The following RGS12 variants were observed in gnomAD, a reference collection of about 807,000 sequenced individuals.
RGS12 encodes regulator of G-protein signaling 12.
In RGS12, 66 loss-of-function variants were observed where a neutral mutation model predicts 120.1. The observed-to-expected ratio is 0.55, with a 90% CI of 0.45 to 0.67. The LOEUF is 0.67. RGS12 is among the 30% of genes least tolerant of loss of function. The pLI is 0.00. For synonymous variants in RGS12, 827 were observed against 804.7 expected, an observed-to-expected ratio of 1.03 and a Z score of -0.47; for missense variants, 1,859 against 1,957.7, an observed-to-expected ratio of 0.95 and a Z score of 0.95.
At chr4:3,304,669 T>C (rs940467658) in intron 1 of RGS12, among the ~76,000 whole-genome samples, 1 of 152,256 alleles carries the variant, frequency 6.6e-6, no homozygotes, top group Admixed American at 6.5e-5. Flanking sequence ...GTAGAGTTTG[T>C]CTCTGGTGTA....
chr4:3,405,805 A>C (rs1273007295), intron 4 of RGS12, among the ~76,000 whole-genome samples: 1 of 152,204 alleles, frequency 6.6e-6, no homozygotes, highest in Admixed American at 6.5e-5. Context: ...ATGATACAGC[A>C]AGCAGGAAGA....
At chr4:3,414,264 G>A (rs758558884) in intron 5 of RGS12, 23 bp downstream of exon 5, 1 of 1,521,366 alleles carries the variant, frequency 6.6e-7, no homozygotes, top group African/African-American at 1.4e-5. Flanking sequence ...GGGCCCAGGA[G>A]CAGCGGAGCG....
chr4:3,358,954 T>C (rs1441056209), intron 3 of RGS12, among the ~76,000 whole-genome samples: 1 of 51,192 alleles, frequency 2.0e-5, no homozygotes, highest in African/African-American at 8.6e-5. Flanking sequence ...CCCCCTCCCC[T>C]TCTTCCTCCT....
chr4:3,385,422 CT>C (rs1263162928), intron 3 of RGS12: 3 of 153,836 alleles, frequency 2.0e-5, no homozygotes, highest in Admixed American at 6.5e-5. Context: ...TCCGTGTCCC[CT>C]GGTGAGCCAG....
chr4:3,323,376 T>C (rs1466315541), intron 2 of RGS12, among the ~76,000 whole-genome samples: 2 of 152,238 alleles, frequency 1.3e-5, no homozygotes, highest in Non-Finnish European at 2.9e-5. Flanking sequence ...ATGCTGCTGC[T>C]GCCTCTGCCC....
intron 4 of RGS12, among the ~76,000 whole-genome samples, chr4:3,395,609 G>A (rs1719973921): frequency 6.6e-6 from 1 of 152,126 alleles, no homozygotes; most frequent in Non-Finnish European, 1.5e-5. Context: ...CACTTTCCCT[G>A]TAGCCACATA....
At chr4:3,331,938 A>C (rs1320252919) in intron 2 of RGS12, among the ~76,000 whole-genome samples, 1 of 152,186 alleles carries the variant, frequency 6.6e-6, no homozygotes, top group Admixed American at 6.5e-5. Flanking sequence ...CATGGGTTTC[A>C]TCCTGACCAC....
At position 3,430,799 on chromosome 4, in the gene RGS12, C is replaced by G; in HGVS notation, c.3958C>G (p.Gln1320Glu). 3.1e-6 allele frequency: 5 copies of G among 1,611,762 alleles called. No homozygotes were observed. The highest frequency in any genetic ancestry group is 1.7e-4 in the Middle Eastern group (1 of 6,054). Residue 1320 changes from glutamine to glutamate, a missense_variant, in exon 17 of 18, where the codon CAG becomes GAG. Coordinates refer to ENST00000336727, the MANE Select transcript of RGS12 (RefSeq NM_001394154.1). ...GGGCACCGCCCAGATCTGGAAGAGG[C>G]AGTCTCAGGAAGTGGAGGCCGGGGG... Reference protein sequence around the residue: ...QEGTAQIWKRQSQEVEAGGIQ... With the variant: ...QEGTAQIWKRESQEVEAGGIQ...
intron 3 of RGS12, among the ~76,000 whole-genome samples, chr4:3,377,901 G>A (rs898034896): frequency 2.0e-5 from 3 of 152,152 alleles, no homozygotes; most frequent in African/African-American, 7.2e-5. Flanking sequence ...CAATTCTGGA[G>A]GCATGTTATA....
At chr4:3,397,097 A>G (rs1720117165) in intron 4 of RGS12, among the ~76,000 whole-genome samples, 1 of 152,146 alleles carries the variant, frequency 6.6e-6, no homozygotes, top group South Asian at 2.1e-4. Context: ...CACCAGCATT[A>G]ATGGAGATGA....
At chr4:3,409,404 G>A (rs924332271) in intron 4 of RGS12, among the ~76,000 whole-genome samples, 1 of 152,270 alleles carries the variant, frequency 6.6e-6, no homozygotes. Flanking sequence ...GTGAGTCTTA[G>A]AAAATAATTA....
intron 11 of RGS12, 76 bp downstream of exon 11, chr4:3,422,646 G>A (rs1244067815): frequency 2.0e-6 from 3 of 1,478,152 alleles, no homozygotes; most frequent in Admixed American, 1.9e-5. Context: ...CTTTGTCAGA[G>A]TCCTCAGGCT....
At chr4:3,429,043 G>C (rs28484982) in intron 16 of RGS12, among the ~76,000 whole-genome samples, 22,947 of 152,240 alleles carry the variant, frequency 0.15, 1,851 homozygotes, top group Non-Finnish European at 0.16. Context: ...CTTGTGCCAG[G>C]GTCCCCAGCG....
In RGS12 at chr4:3,316,963, G is replaced by A; in HGVS notation, c.793G>A (p.Glu265Lys). 6.2e-7 allele frequency: 1 copy of A among 1,613,912 alleles called. No individual in the cohort carries two copies. Among genetic ancestry groups the A allele is most frequent in the South Asian group, 1.1e-5 (1 of 91,086 alleles). ...IRGCMRRLRA[E>K]QKIHSLVTMK... is the part of the protein sequence containing the mutation. ...CGGCTGCATGCGGCGCCTGCGGGCA[G>A]AGCAGAAAATCCACTCGCTGGTGAC... is the stretch of plus-strand genomic sequence containing the variant. Residue 265 changes from glutamate to lysine, a missense_variant, in exon 2 of 18, where the codon GAG (glutamate) becomes AAG (lysine). Physicochemically the swap from Glu to Lys is moderately conservative, Grantham distance 56. This residue lies in a region of RGS12 where 967 missense variants were observed against 994.2 expected (regional missense o/e 0.97). Transcript: ENST00000336727.
intron 2 of RGS12, among the ~76,000 whole-genome samples, chr4:3,323,169 G>A (rs1725317311): frequency 1.3e-5 from 2 of 152,280 alleles, no homozygotes; most frequent in Non-Finnish European, 2.9e-5. Context: ...GGGAGGACGA[G>A]CAAGCACCAG....
intron 17 of RGS12, among the ~76,000 whole-genome samples, chr4:3,434,543 G>A (rs574451556): frequency 3.9e-5 from 6 of 152,288 alleles, no homozygotes; most frequent in Middle Eastern, 3.4e-3. Flanking sequence ...CTCACCTTCT[G>A]TTCTCGTGGG....
At chr4:3,375,236 GCCTCATCTCCAGCCCTCATCTCCAGC>G in intron 3 of RGS12, among the ~76,000 whole-genome samples, 1 of 150,692 alleles carries the variant, frequency 6.6e-6, no homozygotes, top group African/African-American at 2.5e-5. Context: ...GTGAACTCCA[GCCTCATCTCCAGCCCTCATCTCCAGC>G]CCTCATCTCC....
intron 16 of RGS12, among the ~76,000 whole-genome samples, chr4:3,429,732 G>C (rs930539642): frequency 1.3e-5 from 2 of 152,192 alleles, no homozygotes; most frequent in Non-Finnish European, 2.9e-5. Context: ...ACAGTGGCTG[G>C]GCAGTGGGAG....
At chr4:3,370,059 G>T (rs906785830) in intron 3 of RGS12, 1 of 1,264,372 alleles carries the variant, frequency 7.9e-7, no homozygotes, top group African/African-American at 1.5e-5. Flanking sequence ...TTATGTAAAC[G>T]GCGCTTCTTT....
Sources: allele counts gnomAD v4.1 joint callset (sites outside exome capture counted in the v4.1 genomes callset), GRCh38; gene constraint gnomAD v4.1.1; regional missense constraint gnomAD v4.1.1; transcripts MANE v1.5; gene names NCBI Gene and HGNC (gene_info 2026-07-23, HGNC 2026-07-21).